The following CSMD1 variants were observed in gnomAD, a reference collection of about 807,000 sequenced individuals.
CSMD1 encodes the protein CUB and sushi domain-containing protein 1.
In CSMD1, 213 loss-of-function variants were observed where a neutral mutation model predicts 417.5. The ratio of observed to expected loss-of-function variants is 0.51; its 90% CI spans 0.46 to 0.57. The LOEUF (loss-of-function observed/expected upper bound fraction) is 0.57. CSMD1 is among the 20% of genes least tolerant of loss of function. The pLI is 0.00. For missense variants in CSMD1, 6,923 were observed against 4,529.7 expected (o/e 1.53, Z -15.17); for synonymous variants, 2,862 against 1,736.8 (o/e 1.65, Z -16.11).
intron 1 of CSMD1, among the ~76,000 whole-genome samples, chr8:4,748,839 C>T (rs1435998456): frequency 2.0e-5 from 3 of 152,200 alleles, no homozygotes; most frequent in Non-Finnish European, 4.4e-5. Context: ...GAGAGTTCAC[C>T]ACTGTGAACA....
In CSMD1 at chr8:3,754,060, GAA is replaced by G. The variant is rs140950734; in HGVS notation, c.819-20_819-19del. ...CAGTTAGCCTAGAGAAGAGAAAGAGGAAAAAAATCTCCCTTGTAAACCAACAG... is the reference window on the plus strand; with the variant it reads ...CAGTTAGCCTAGAGAAGAGAAAGAGGAAAAATCTCCCTTGTAAACCAACAG... On this transcript the variant is annotated intron_variant, in intron 5 of 69. Coordinates refer to ENST00000635120, the MANE Select transcript of CSMD1 (RefSeq NM_033225.6). The G allele has an allele frequency of 9.6e-5, 149 of 1,552,244 alleles. No homozygotes were observed. The African/African-American group carries it at 1.9e-3, about 19-fold the overall frequency.
chr8:3,981,431 A>C (rs1813855432), intron 5 of CSMD1, among the ~76,000 whole-genome samples: 1 of 151,542 alleles, frequency 6.6e-6, no homozygotes, highest in Non-Finnish European at 1.5e-5. Flanking sequence ...AGGATCTCAC[A>C]AATCACCGCT....
intron 3 of CSMD1, among the ~76,000 whole-genome samples, chr8:4,347,555 TC>T (rs1800842844): frequency 6.6e-6 from 1 of 152,170 alleles, no homozygotes; most frequent in Admixed American, 6.6e-5. Flanking sequence ...CAGAAATACT[TC>T]CCTGTTGCCT....
At chr8:3,578,691 T>A (rs141395567) in intron 9 of CSMD1, among the ~76,000 whole-genome samples, 2 of 152,152 alleles carry the variant, frequency 1.3e-5, no homozygotes, top group African/African-American at 4.8e-5. Flanking sequence ...AAAGAACCGA[T>A]TGGGCAGCTC....
At chr8:4,554,270 G>C (rs149358593) in intron 2 of CSMD1, among the ~76,000 whole-genome samples, 2,383 of 152,150 alleles carry the variant, frequency 0.016, 68 homozygotes, top group African/African-American at 0.053. Flanking sequence ...CTGAGTAGCT[G>C]AGACTACAGG....
chr8:4,094,491 A>G (rs964610233), intron 3 of CSMD1, among the ~76,000 whole-genome samples: 18 of 152,182 alleles, frequency 1.2e-4, no homozygotes, highest in African/African-American at 3.9e-4. Flanking sequence ...TTAACGCTGG[A>G]GCAACCACGC....
intron 3 of CSMD1, among the ~76,000 whole-genome samples, chr8:4,316,537 T>C (rs897859673): frequency 6.6e-6 from 1 of 152,132 alleles, no homozygotes; most frequent in Non-Finnish European, 1.5e-5. Context: ...AGATTTCTGG[T>C]AAAATAATTA....
At chr8:3,857,141 G>A (rs935022274) in intron 5 of CSMD1, among the ~76,000 whole-genome samples, 14 of 152,148 alleles carry the variant, frequency 9.2e-5, no homozygotes, top group South Asian at 8.3e-4. Flanking sequence ...AGTTGTCTAC[G>A]AAGTTAGTGT....
intron 1 of CSMD1, among the ~76,000 whole-genome samples, chr8:4,869,397 T>C (rs907009721): frequency 6.6e-6 from 1 of 152,068 alleles, no homozygotes; most frequent in African/African-American, 2.4e-5. Flanking sequence ...TTCATAACTT[T>C]GAGTTACTTG....
chr8:4,727,926 AAT>A (rs555237526), intron 1 of CSMD1, among the ~76,000 whole-genome samples: 25 of 138,860 alleles, frequency 1.8e-4, no homozygotes, highest in Non-Finnish European at 2.8e-4. Context: ...AAATACATCT[AAT>A]ATATATATAT....
intron 3 of CSMD1, among the ~76,000 whole-genome samples, chr8:4,115,999 T>C (rs1283701027): frequency 8.2e-6 from 1 of 122,258 alleles, no homozygotes; most frequent in African/African-American, 3.0e-5. Flanking sequence ...TTTATTTATT[T>C]ATTTATTTAT....
chr8:4,747,048 C>T (rs1311974443), intron 1 of CSMD1, among the ~76,000 whole-genome samples: 1 of 152,122 alleles, frequency 6.6e-6, no homozygotes, highest in African/African-American at 2.4e-5. Context: ...GGCCTCCCCA[C>T]CAGAATGGAT....
intron 5 of CSMD1, among the ~76,000 whole-genome samples, chr8:3,948,839 G>A (rs1207024083): frequency 6.6e-6 from 1 of 151,878 alleles, no homozygotes; most frequent in East Asian, 1.9e-4. Flanking sequence ...TTATTTGCAA[G>A]GGGTATCCAA....
At chr8:3,618,100 C>G (rs1458035803) in intron 7 of CSMD1, among the ~76,000 whole-genome samples, 3 of 152,098 alleles carry the variant, frequency 2.0e-5, no homozygotes, top group Non-Finnish European at 4.4e-5. Context: ...CTCCCAGGAT[C>G]AAGCGATACT....
At chr8:4,229,307 T>C (rs1175317762) in intron 3 of CSMD1, among the ~76,000 whole-genome samples, 2 of 152,168 alleles carry the variant, frequency 1.3e-5, no homozygotes, top group Non-Finnish European at 2.9e-5. Context: ...GAGCCACCAT[T>C]ATCTATCACC....
chr8:4,158,072 T>A (rs1376354293), intron 3 of CSMD1, among the ~76,000 whole-genome samples: 1 of 148,060 alleles, frequency 6.8e-6, no homozygotes, highest in Non-Finnish European at 1.5e-5. Context: ...GCTTCCCCAT[T>A]ACAATACAAG....
At chr8:3,889,276 A>G (rs1328067034) in intron 5 of CSMD1, among the ~76,000 whole-genome samples, 8 of 151,700 alleles carry the variant, frequency 5.3e-5, no homozygotes, top group African/African-American at 1.9e-4. Context: ...TTTTCTAGAA[A>G]GCCATTGCCT....
At chr8:4,737,485 G>A (rs966771346) in intron 1 of CSMD1, among the ~76,000 whole-genome samples, 5 of 151,960 alleles carry the variant, frequency 3.3e-5, no homozygotes, top group East Asian at 3.9e-4. Context: ...TACCCCTGAA[G>A]TTAAAATAAC....
chr8:3,175,465 TCCTTCTTTTC>T (rs1233029346), intron 37 of CSMD1, among the ~76,000 whole-genome samples: 1 of 49,038 alleles, frequency 2.0e-5, no homozygotes. Context: ...CTTCTTTCCT[TCCTTCTTTTC>T]CCTTCCTTCC....
Sources: gnomAD v4.1 joint callset for allele counts (sites outside exome capture counted in the v4.1 genomes callset) on GRCh38, gnomAD v4.1.1 for gene constraint, MANE v1.5 for transcripts, NCBI Gene and HGNC (gene_info 2026-07-23, HGNC 2026-07-21) for gene names.